Variants in GAA observed in about 807,000 individuals in gnomAD.
GAA encodes the protein alpha glucosidase, also known as lysosomal alpha-glucosidase.
GAA carries 88 observed loss-of-function variants against 103.9 expected under a neutral mutation model. The ratio of observed to expected loss-of-function variants is 0.85; its 90% CI spans 0.71 to 1.01. The LOEUF (loss-of-function observed/expected upper bound fraction) is 1.01. Ranked by LOEUF, GAA falls within the 50% of genes least tolerant of loss-of-function variation. GAA has a pLI of 0.00. For missense variants in GAA, 1,350 were observed against 1,305.3 expected (o/e 1.03, Z -0.53); for synonymous variants, 572 against 563.1 (o/e 1.02, Z -0.22).
intron 1 of GAA, chr17:80,102,661 C>G (rs1407663416): frequency 6.6e-6 from 1 of 152,254 alleles, no homozygotes; most frequent in Non-Finnish European, 1.5e-5. Context: ...CCACCTCACA[C>G]CAGGCCCTAC....
Position 80,118,360 on chromosome 17 carries a change from G to A in GAA, c.2646+3G>A, listed in dbSNP as rs1296908953. On this transcript the variant is annotated splice_donor_region_variant and intron_variant, in intron 18 of 19. Coordinates refer to ENST00000302262, the MANE Select transcript of GAA (RefSeq NM_000152.5). The stretch of plus-strand genomic sequence containing the variant: ...AGGTCATCTTCCTGGCCAGGAATGT[G>A]AGTCCTGGGGCTGCTCAGGCTGGTG... 1.3e-6 allele frequency: 2 copies of A among 1,559,984 alleles called. No homozygotes were observed. Among genetic ancestry groups the A allele is most frequent in the South Asian group, 1.2e-5 (1 of 82,060 alleles).
At position 80,117,015 on chromosome 17, in the gene GAA, G is replaced by C. The variant is rs752921215; in HGVS notation, c.2237G>C (p.Trp746Ser). 65 of 1,613,514 alleles carry C rather than the reference G, an allele frequency of 4.0e-5. No homozygotes were observed. Among genetic ancestry groups the C allele is most frequent in the African/African-American group, 1.7e-4 (13 of 75,034 alleles). ...TGGACTGTGGACCACCAGCTCCTGTGGGGGGAGGCCCTGCTCATCACCCCA... is the reference window on the plus strand; with the variant it reads ...TGGACTGTGGACCACCAGCTCCTGTCGGGGGAGGCCCTGCTCATCACCCCA... ...STWTVDHQLL[W>S]GEALLITPVL... Residue 746 changes from tryptophan (W) to serine (S), a missense_variant, in exon 16 of 20, where the codon TGG becomes TCG. Physicochemically the swap from Trp to Ser is radical, Grantham distance 177. Transcript: ENST00000302262.
In GAA at chr17:80,112,914, G is replaced by A. The variant is rs28937909; in HGVS notation, c.1927G>A (p.Gly643Arg). The A allele has an allele frequency of 2.5e-5, 40 of 1,610,542 alleles. No individual in the cohort carries two copies. Among genetic ancestry groups the A allele is most frequent in the Non-Finnish European group, 3.2e-5 (38 of 1,178,798 alleles). The change falls in exon 14 of 20, where the codon GGG becomes AGG. Residue 643 changes from glycine (G) to arginine (R), a missense_variant. Coordinates refer to ENST00000302262, the MANE Select transcript of GAA (RefSeq NM_000152.5). Reference sequence around the variant, plus strand: ...TAACCTGCTGGGGGTGCCTCTGGTCGGGGCCGACGTCTGCGGCTTCCTGGG... The same window carrying A: ...TAACCTGCTGGGGGTGCCTCTGGTCAGGGCCGACGTCTGCGGCTTCCTGGG... ...QFNLLGVPLV[G>R]ADVCGFLGNT...
intron 17 of GAA, 136 bp from the exon 18 acceptor site, chr17:80,118,057 C>A: frequency 1.9e-6 from 2 of 1,035,988 alleles, no homozygotes; most frequent in Non-Finnish European, 2.8e-6. Context: ...GGTTCCAGCC[C>A]CTGCGGCCGC....
rs2039086643 is a variant in GAA, at chr17:80,106,342, CAG to C, written c.692+449_692+450del. 6.7e-5 allele frequency among the ~76,000 whole-genome samples: 3 copies of C among 44,546 alleles called. No homozygotes were observed. The South Asian group carries it at 2.2e-3, about 32-fold the overall frequency. 29.2% of individuals were successfully genotyped at this position (44,546 alleles called of 152,430 possible). Reference sequence around the variant, plus strand: ...AAGCAAGTCCATGCAGACACAGCGTCAGGGAGTGGTCATGCAGAGAGCACGCT... The same window carrying C: ...AAGCAAGTCCATGCAGACACAGCGTCGGAGTGGTCATGCAGAGAGCACGCT... On this transcript the variant is annotated intron_variant, in intron 3 of 19. Transcript: ENST00000302262.
At position 80,111,798 on chromosome 17, in the gene GAA, A is replaced by G. The variant is rs12951255; in HGVS notation, c.1637-185A>G. 0.58 allele frequency: 349,808 copies of G among 606,288 alleles called. 104,769 individuals carry two copies. Among genetic ancestry groups the G allele is most frequent in the Middle Eastern group, 0.75 (1,698 of 2,256 alleles). 37.6% of individuals were successfully genotyped at this position (606,288 alleles called of 1,614,324 possible). On this transcript the variant is annotated intron_variant, in intron 11 of 19. Transcript: ENST00000302262. The stretch of plus-strand genomic sequence containing the variant: ...CCCTGTCTTAGAAGCAGTGGAGATG[A>G]TTACCCAGGTTCCCGGGTAACGCCA...
rs773629231 is a variant in GAA at position 80,117,634 on chromosome 17, C to T, written c.2366C>T (p.Pro789Leu). ...GAGGCCCTTGGCAGCCTCCCACCCC[C>T]ACCTGCAGCTCCCCGTGAGCCAGCC... ...PVEALGSLPP[P>L]PAAPREPAIH... is the part of the protein sequence containing the mutation. The change falls in exon 17 of 20, where the codon CCA becomes CTA. Residue 789 changes from proline to leucine, a missense_variant. Transcript: ENST00000302262. 1.2e-6 allele frequency: 2 copies of T among 1,612,876 alleles called. No individual in the cohort carries two copies. Among genetic ancestry groups the T allele is most frequent in the African/African-American group, 1.3e-5 (1 of 75,044 alleles).
rs1283045273 is a variant in GAA, at chr17:80,110,745, G to C, written c.1456G>C (p.Ala486Pro). The C allele has an allele frequency of 1.2e-6, 2 of 1,613,938 alleles. No individual in the cohort carries two copies. The highest frequency in any genetic ancestry group is 1.7e-6 in the Non-Finnish European group (2 of 1,180,014). The change falls in exon 10 of 20, where the codon GCC (alanine) becomes CCC (proline). Residue 486 changes from alanine to proline, a missense_variant. Coordinates refer to ENST00000302262, the MANE Select transcript of GAA (RefSeq NM_000152.5). ...LIGKVWPGSTAFPDFTNPTAL... is the reference protein window; with the variant it reads ...LIGKVWPGSTPFPDFTNPTAL... ...TGTCCAGGTATGGCCCGGGTCCACT[G>C]CCTTCCCCGACTTCACCAACCCCAC...
At position 80,104,011 on chromosome 17, in the gene GAA, C is replaced by T. The variant is rs1018589399; in HGVS notation, c.-32-544C>T. On this transcript the variant is annotated intron_variant, in intron 1 of 19. Transcript: ENST00000302262. The surrounding 1 kb of genome is among the most constrained non-coding windows in gnomAD (Gnocchi z 4.0). Reference sequence around the variant, plus strand: ...AGCCAGGCGTGGTCACTCCTGAAATCCCAGCACTTCGGAAGGCCAAGGGGG... The same window carrying T: ...AGCCAGGCGTGGTCACTCCTGAAATTCCAGCACTTCGGAAGGCCAAGGGGG... 2.6e-5 allele frequency among the ~76,000 whole-genome samples: 4 copies of T among 152,202 alleles called. No individual in the cohort carries two copies. The highest frequency in any genetic ancestry group is 9.6e-5 in the African/African-American group (4 of 41,460).
At chr17:80,105,221 G>A in intron 2 of GAA, 89 bp downstream of exon 2, 1 of 1,289,254 alleles carries the variant, frequency 7.8e-7, no homozygotes, top group Non-Finnish European at 1.1e-6. Context: ...TGGGGTGCAT[G>A]TTGCACCACT....
At position 80,105,920 on chromosome 17, in the gene GAA, T is replaced by TGATGGGGAG; in HGVS notation, c.692+28_692+36dup. 1.3e-6 allele frequency: 2 copies of TGATGGGGAG among 1,574,326 alleles called. No individual in the cohort carries two copies. The highest frequency in any genetic ancestry group is 1.3e-5 in the African/African-American group (1 of 74,434). Reference sequence around the variant, plus strand: ...GTGAGTTCTGGGCTCTGTGCCAGCATGATGGGGAGGGCGACGCGCATTTCT... The same window carrying TGATGGGGAG: ...GTGAGTTCTGGGCTCTGTGCCAGCATGATGGGGAGGATGGGGAGGGCGACGCGCATTTCT... On this transcript the variant is annotated intron_variant, in intron 3 of 19. Transcript: ENST00000302262.
intron 12 of GAA, chr17:80,112,373 G>A (rs911077295): frequency 3.0e-6 from 2 of 677,634 alleles, no homozygotes; most frequent in Non-Finnish European, 5.0e-6. Flanking sequence ...GTGAGGCTGG[G>A]GGGGGTCCTG....
At position 80,108,488 on chromosome 17, in the gene GAA, G is replaced by A. The variant is rs1555600050; in HGVS notation, c.1076-1G>A. 6.2e-7 allele frequency: 1 copy of A among 1,613,168 alleles called. No individual in the cohort carries two copies. Among genetic ancestry groups the A allele is most frequent in the Non-Finnish European group, 8.5e-7 (1 of 1,180,006 alleles). On this transcript the variant is annotated splice_acceptor_variant, in intron 6 of 19. Transcript: ENST00000302262. LOFTEE classifies it high-confidence loss of function. ...CTCATGAAGTCGGCGTTGGCCTGCA[G>A]GATACCCGTTCATGCCGCCATACTG...
At position 80,107,612 on chromosome 17, in the gene GAA, A is replaced by T. The variant is rs2039117417; in HGVS notation, c.748A>T (p.Thr250Ser). The change falls in exon 4 of 20, where the codon ACC (threonine) becomes TCC (serine). Residue 250 changes from threonine to serine, a missense_variant. By Grantham distance (58) the Thr-to-Ser change is moderately conservative. Transcript: ENST00000302262. ...FFADQFLQLS[T>S]SLPSQYITGL... Reference sequence around the variant, plus strand: ...TGCGGACCAGTTCCTTCAGCTGTCCACCTCGCTGCCCTCGCAGTATATCAC... The same window carrying T: ...TGCGGACCAGTTCCTTCAGCTGTCCTCCTCGCTGCCCTCGCAGTATATCAC... 6.2e-7 allele frequency: 1 copy of T among 1,612,982 alleles called. No individual in the cohort carries two copies. Among genetic ancestry groups the T allele is most frequent in the African/African-American group, 1.3e-5 (1 of 74,852 alleles).
At chr17:80,113,086 T>G in intron 14 of GAA, 59 bp downstream of exon 14, 1 of 1,351,190 alleles carries the variant, frequency 7.4e-7, no homozygotes, top group East Asian at 3.5e-5. Flanking sequence ...GACTCTCCCC[T>G]GGGAATCCCA....
intron 2 of GAA, 66 bp downstream of exon 2, chr17:80,105,198 C>A: frequency 6.9e-7 from 1 of 1,457,832 alleles, no homozygotes; most frequent in Non-Finnish European, 9.3e-7. Context: ...GACACCCACG[C>A]ACCTCACAAG....
At chr17:80,116,746 A>C (rs1555602553) in intron 15 of GAA, 1 of 598,634 alleles carries the variant, frequency 1.7e-6, no homozygotes, top group Non-Finnish European at 3.0e-6. Context: ...CCCTGAGCCC[A>C]GCTGCCGGCA....
chr17:80,118,384 TG>T, intron 18 of GAA, 27 bp downstream of exon 18: 2 of 1,557,220 alleles, frequency 1.3e-6, no homozygotes, highest in Non-Finnish European at 1.7e-6. Flanking sequence ...CTCAGGCTGG[TG>T]GGCAGGGGCC....
At position 80,104,851 on chromosome 17, in the gene GAA, C is replaced by T. The variant is rs534192892; in HGVS notation, c.265C>T (p.Arg89Cys). The change falls in exon 2 of 20, where the codon CGC (arginine) becomes TGC (cysteine). Residue 89 changes from arginine (R) to cysteine (C), a missense_variant. Physicochemically the swap from Arg to Cys is radical, Grantham distance 180 (BLOSUM62 -3). Transcript: ENST00000302262. This position sits in a 1 kb window ranked among gnomAD's most constrained non-coding sequence, Gnocchi z 4.0. The part of the protein sequence containing the change: ...PTQCDVPPNS[R>C]FDCAPDKAIT... ...ACAGTGCGACGTCCCCCCCAACAGC[C>T]GCTTCGATTGCGCCCCTGACAAGGC... 1.2e-4 allele frequency: 193 copies of T among 1,612,996 alleles called. No individual in the cohort carries two copies. In the South Asian group the frequency reaches 1.6e-3, roughly 13 times the overall value.
Sources: gnomAD v4.1 joint callset for allele counts (sites outside exome capture counted in the v4.1 genomes callset) on GRCh38, gnomAD v4.1.1 for gene constraint, Gnocchi (gnomAD v3.1) non-coding constraint, MANE v1.5 for transcripts, NCBI Gene and HGNC (gene_info 2026-07-23, HGNC 2026-07-21) for gene names.